The following SRSF11 variants were observed in gnomAD, a reference collection of about 807,000 sequenced individuals.
SRSF11 encodes serine and arginine rich splicing factor 11, also known as serine/arginine-rich splicing factor 11.
In SRSF11, 9 loss-of-function variants were observed where a neutral mutation model predicts 56.0. The ratio of observed to expected loss-of-function variants is 0.16; its 90% CI spans 0.10 to 0.28. The LOEUF (loss-of-function observed/expected upper bound fraction) is 0.28. Ranked by LOEUF, SRSF11 falls within the 10% of genes least tolerant of loss-of-function variation. SRSF11 has a pLI of 1.00. For synonymous variants in SRSF11, 222 were observed against 215.3 expected (o/e 1.03, Z -0.27); for missense variants, 421 against 600.7 (o/e 0.70, Z 3.13).
At chr1:70,239,118 G>GT (rs1674745440) in intron 6 of SRSF11, among the ~76,000 whole-genome samples, 1 of 152,040 alleles carries the variant, frequency 6.6e-6, no homozygotes. Flanking sequence ...TTTTTGAGGG[G>GT]TCTCACTCTG....
intron 9 of SRSF11, chr1:70,249,730 T>G: frequency 2.3e-6 from 1 of 436,038 alleles, no homozygotes; most frequent in Non-Finnish European, 4.2e-6. Flanking sequence ...GCTAATTTTT[T>G]TGTATTTTTT....
chr1:70,236,416 C>A (rs544914960), intron 5 of SRSF11, among the ~76,000 whole-genome samples: 3 of 150,712 alleles, frequency 2.0e-5, no homozygotes, highest in Non-Finnish European at 4.4e-5. Flanking sequence ...CTGCAACCTC[C>A]GCCTCCCAGA....
intron 7 of SRSF11, among the ~76,000 whole-genome samples, chr1:70,244,292 A>G (rs1232325706): frequency 1.3e-5 from 2 of 152,204 alleles, no homozygotes; most frequent in Non-Finnish European, 2.9e-5. Flanking sequence ...AGGAAGGTTT[A>G]AGCTGCACTA....
intron 1 of SRSF11, among the ~76,000 whole-genome samples, chr1:70,212,351 G>T (rs1213142296): frequency 2.6e-5 from 4 of 152,016 alleles, no homozygotes; most frequent in African/African-American, 9.7e-5. Context: ...CCACCTCCTG[G>T]GTTCAAGCGA....
At chr1:70,241,029 C>CTTGG (rs1300444269) in intron 7 of SRSF11, among the ~76,000 whole-genome samples, 1 of 152,144 alleles carries the variant, frequency 6.6e-6, no homozygotes, top group Admixed American at 6.5e-5. Context: ...ACCTTGGCCT[C>CTTGG]CCAAAGTGCT....
At chr1:70,239,240 C>T (rs1052795365) in intron 6 of SRSF11, among the ~76,000 whole-genome samples, 199 bp from the exon 7 acceptor site, 4 of 152,028 alleles carry the variant, frequency 2.6e-5, no homozygotes, top group African/African-American at 7.2e-5. Context: ...CACAGGCACA[C>T]ACCGCCATGC....
rs1234673593 is a variant in SRSF11, at chr1:70,221,676, GGCC to G, written c.41_43del (p.Gly14_Pro15delinsAla). The stretch of plus-strand genomic sequence containing the variant: ...CGTCGTCCCCAGCACTGCAGGTCCG[GGCC>G]CCAGCGGCGGGCCCGGTGGCGGAGG... On this transcript the variant is annotated inframe_deletion, in exon 1 of 12. Transcript: ENST00000370949. 4 of 1,612,730 alleles carry G rather than the reference GGCC, an allele frequency of 2.5e-6. No homozygotes were observed. Among genetic ancestry groups the G allele is most frequent in the Non-Finnish European group, 3.4e-6 (4 of 1,179,264 alleles).
chr1:70,230,374 G>T, intron 2 of SRSF11: 1 of 1,074,304 alleles, frequency 9.3e-7, no homozygotes, highest in Non-Finnish European at 1.1e-6. Context: ...TTAGCTCTTG[G>T]TCAGTGTTTT....
At chr1:70,248,956 G>A (rs944333578) in intron 9 of SRSF11, 1 of 152,134 alleles carries the variant, frequency 6.6e-6, no homozygotes, top group Admixed American at 6.5e-5. Flanking sequence ...CCAGGACAAG[G>A]GTCACAGAGG....
chr1:70,250,128 T>C, intron 10 of SRSF11, 81 bp downstream of exon 10: 1 of 1,383,616 alleles, frequency 7.2e-7, no homozygotes, highest in Non-Finnish European at 1.0e-6. Context: ...AGTTTTTCTT[T>C]TCAGCAGTTA....
chr1:70,229,397 A>AG, intron 2 of SRSF11: 1 of 1,083,768 alleles, frequency 9.2e-7, no homozygotes, highest in African/African-American at 1.7e-5. Flanking sequence ...GTAATTTGAC[A>AG]GAAAAAAATG....
At chr1:70,232,151 A>C in intron 2 of SRSF11, 117 bp from the exon 3 acceptor site, 1 of 1,569,466 alleles carries the variant, frequency 6.4e-7, no homozygotes, top group Non-Finnish European at 8.7e-7. Context: ...TATTTTAGCG[A>C]ACATAAGTAC....
At chr1:70,221,207 AAGAG>A (rs763680800), upstream of SRSF11, among the ~76,000 whole-genome samples, 81 of 152,184 alleles carry the variant, frequency 5.3e-4, no homozygotes, top group Admixed American at 1.9e-3. Flanking sequence ...CCAAAAAAAA[AAGAG>A]AGAAGAAAAA....
chr1:70,243,336 CAAAAAAAAAAAAAA>C (rs56098296), intron 7 of SRSF11, among the ~76,000 whole-genome samples: 408 of 32,566 alleles, frequency 0.013, 4 homozygotes, highest in South Asian at 0.06. Flanking sequence ...TGGTTGGTGG[CAAAAAAAAAAAAAA>C]AAAAAAAAAA....
chr1:70,228,717 T>A lies in SRSF11; in HGVS notation c.337+162T>A, dbSNP rs573539732. The A allele has an allele frequency of 2.3e-6, 3 of 1,308,068 alleles. No homozygotes were observed. The East Asian group carries it at 8.7e-5, about 38-fold the overall frequency. 81.0% of individuals were successfully genotyped at this position (1,308,068 alleles called of 1,614,324 possible). On this transcript the variant is annotated intron_variant, in intron 2 of 11. Coordinates refer to ENST00000370949, the MANE Select transcript of SRSF11 (RefSeq NM_001350605.2). ...TTTTTGCTTGCAGATTTTTTTTAAT[T>A]CTAAAAATTAGAAATTAGGTCTGTT...
At chr1:70,238,275 G>A (rs1056052288) in intron 6 of SRSF11, among the ~76,000 whole-genome samples, 7 of 152,104 alleles carry the variant, frequency 4.6e-5, no homozygotes, top group Admixed American at 1.3e-4. Flanking sequence ...TAGCACAGCC[G>A]GGTGTATGTA....
rs775923289 is a variant in SRSF11 at position 70,221,604 on chromosome 1, T to C, written c.-33T>C. ...CTCACTGTTTGTTGTGTGTTTGATG[T>C]GTTAAAGCAGGAGCGAGAACCCGAG... On this transcript the variant is annotated 5_prime_UTR_variant, in exon 1 of 12. Coordinates refer to ENST00000370949, the MANE Select transcript of SRSF11 (RefSeq NM_001350605.2). 6.3e-7 allele frequency: 1 copy of C among 1,589,108 alleles called. No individual in the cohort carries two copies. The highest frequency in any genetic ancestry group is 8.6e-7 in the Non-Finnish European group (1 of 1,168,176).
Position 70,237,413 on chromosome 1 carries a change from G to A in SRSF11, c.591-12G>A. 2 of 1,610,818 alleles carry A rather than the reference G, an allele frequency of 1.2e-6. No homozygotes were observed. Among genetic ancestry groups the A allele is most frequent in the Non-Finnish European group, 1.7e-6 (2 of 1,179,384 alleles). ...AAAATATTTCAGATCCCATTTCTTGGTTCTGTTTCAGGTTGAATCATGTAG... is the reference window on the plus strand; with the variant it reads ...AAAATATTTCAGATCCCATTTCTTGATTCTGTTTCAGGTTGAATCATGTAG... On this transcript the variant is annotated splice_polypyrimidine_tract_variant and intron_variant, in intron 5 of 11. Coordinates refer to ENST00000370949, the MANE Select transcript of SRSF11 (RefSeq NM_001350605.2).
intron 1 of SRSF11, among the ~76,000 whole-genome samples, chr1:70,222,276 T>G (rs943443203): frequency 1.3e-5 from 2 of 152,250 alleles, no homozygotes; most frequent in African/African-American, 4.8e-5. Flanking sequence ...GTTCACTTAT[T>G]GTTATTGCTG....
Sources: gnomAD v4.1 joint callset for allele counts (sites outside exome capture counted in the v4.1 genomes callset) on GRCh38, gnomAD v4.1.1 for gene constraint, MANE v1.5 for transcripts, NCBI Gene and HGNC (gene_info 2026-07-23, HGNC 2026-07-21) for gene names.